Variants in RERG observed in about 807,000 individuals in gnomAD.
RERG encodes the protein ras-related and estrogen-regulated growth inhibitor.
In RERG, 25 loss-of-function variants were observed where a neutral mutation model predicts 23.2. That is an observed-to-expected ratio of 1.08 (90% confidence interval 0.79 to 1.50). RERG has a LOEUF of 1.50. RERG is among the 40% of genes most tolerant of loss of function. The pLI, the probability that RERG is intolerant of heterozygous loss-of-function variation, is 0.00. For synonymous variants in RERG, 81 were observed against 89.1 expected (o/e 0.91, Z 0.51); for missense variants, 253 against 250.1 (o/e 1.01, Z -0.08).
At chr12:15,172,044 T>A (rs1196216395) in intron 2 of RERG, among the ~76,000 whole-genome samples, 1 of 152,128 alleles carries the variant, frequency 6.6e-6, no homozygotes. Context: ...TTTTAGTAAA[T>A]TTGCAGAGTT....
intron 2 of RERG, among the ~76,000 whole-genome samples, chr12:15,139,218 C>T (rs1864195396): frequency 6.6e-6 from 1 of 151,956 alleles, no homozygotes; most frequent in African/African-American, 2.4e-5. Context: ...CCATGCTGTC[C>T]TACAGCCTTA....
At chr12:15,128,493 A>G (rs1472147097) in intron 2 of RERG, among the ~76,000 whole-genome samples, 1 of 152,212 alleles carries the variant, frequency 6.6e-6, no homozygotes, top group East Asian at 1.9e-4. Flanking sequence ...TTCTATTCAT[A>G]AAGTGTTGTA....
chr12:15,195,281 G>A (rs955678435), intron 2 of RERG, among the ~76,000 whole-genome samples: 1 of 151,944 alleles, frequency 6.6e-6, no homozygotes. Context: ...TGTCACAAAT[G>A]GAATGACATA....
chr12:15,160,093 T>A (rs1450824426), intron 2 of RERG, among the ~76,000 whole-genome samples: 1 of 152,214 alleles, frequency 6.6e-6, no homozygotes, highest in African/African-American at 2.4e-5. Context: ...TGTTTCATTA[T>A]AATGGCTAAG....
At chr12:15,194,850 C>T (rs1254825322) in intron 2 of RERG, among the ~76,000 whole-genome samples, 1 of 151,994 alleles carries the variant, frequency 6.6e-6, no homozygotes, top group African/African-American at 2.4e-5. Flanking sequence ...TCTCTAGGTG[C>T]AATTTCCACA....
At chr12:15,136,781 C>G (rs1045923969) in intron 2 of RERG, among the ~76,000 whole-genome samples, 1 of 151,834 alleles carries the variant, frequency 6.6e-6, no homozygotes, top group Non-Finnish European at 1.5e-5. Flanking sequence ...GATTTGTATT[C>G]TGTTAAATTT....
intron 3 of RERG, among the ~76,000 whole-genome samples, chr12:15,119,139 A>G (rs1393776433): frequency 6.6e-6 from 1 of 152,106 alleles, no homozygotes; most frequent in Non-Finnish European, 1.5e-5. Context: ...TGTATCCATT[A>G]CTCCTGAAGT....
At chr12:15,117,136 A>T (rs1863735965) in intron 3 of RERG, among the ~76,000 whole-genome samples, 1 of 108,792 alleles carries the variant, frequency 9.2e-6, no homozygotes, top group Non-Finnish European at 1.9e-5. Flanking sequence ...CTTTTTACTG[A>T]TTTAGCTTTT....
chr12:15,161,718 T>C (rs1391302861), intron 2 of RERG, among the ~76,000 whole-genome samples: 2 of 152,214 alleles, frequency 1.3e-5, no homozygotes, highest in Admixed American at 6.5e-5. Flanking sequence ...TCATGCAGCT[T>C]ACTATCTGGT....
At chr12:15,133,020 T>A (rs1475628400) in intron 2 of RERG, among the ~76,000 whole-genome samples, 1 of 118,536 alleles carries the variant, frequency 8.4e-6, no homozygotes, top group Non-Finnish European at 1.7e-5. Flanking sequence ...CCATTATTCA[T>A]ATCCCACACT....
chr12:15,188,651 C>A (rs1382455985), intron 2 of RERG, among the ~76,000 whole-genome samples: 1 of 152,152 alleles, frequency 6.6e-6, no homozygotes, highest in Non-Finnish European at 1.5e-5. Context: ...GTATCTAGCA[C>A]ATAACAGGTG....
At chr12:15,114,177 G>A (rs945077799) in intron 3 of RERG, among the ~76,000 whole-genome samples, 1 of 151,826 alleles carries the variant, frequency 6.6e-6, no homozygotes, top group Non-Finnish European at 1.5e-5. Flanking sequence ...GATTTGAAGA[G>A]TGAAACCTGA....
At position 15,217,413 on chromosome 12, in the gene RERG, A is replaced by G. The variant is rs1380016572; in HGVS notation, c.61+16T>C. On this transcript the variant is annotated intron_variant, in intron 2 of 4. Coordinates refer to ENST00000256953, the MANE Select transcript of RERG (RefSeq NM_032918.3). ...CCCACACACACACACTATAACAACC[A>G]CAACGAAAATCTTACCTGACTTGCC... 1.9e-6 allele frequency: 3 copies of G among 1,593,174 alleles called. No individual in the cohort carries two copies.
chr12:15,181,425 A>T (rs2136129074), intron 2 of RERG, among the ~76,000 whole-genome samples: 1 of 152,320 alleles, frequency 6.6e-6, no homozygotes, highest in Non-Finnish European at 1.5e-5. Context: ...TGGGCTTTGC[A>T]GACTTAAAAT....
At chr12:15,178,159 T>C (rs988169583) in intron 2 of RERG, among the ~76,000 whole-genome samples, 2 of 152,144 alleles carry the variant, frequency 1.3e-5, no homozygotes, top group African/African-American at 4.8e-5. Flanking sequence ...ATTTTAAATG[T>C]ATATTAACAA....
chr12:15,200,895 AT>A (rs141355344), intron 2 of RERG, among the ~76,000 whole-genome samples: 1 of 151,818 alleles, frequency 6.6e-6, no homozygotes, highest in Admixed American at 6.6e-5. Flanking sequence ...CACGCTTCGC[AT>A]TTTTTACATA....
Position 15,109,185 on chromosome 12 carries a change from G to T in RERG, c.525C>A (p.Gly175=). ...REVRRRRMVQ[G]KTRRRSSTTH... The stretch of plus-strand genomic sequence containing the variant: ...TGGTGGAGCTGCGTCGCCTCGTCTT[G>T]CCCTGCACCATCCTCCGGCGACGCA... The change falls in exon 5 of 5, where the codon GGC becomes GGA. Residue 175 remains glycine, a synonymous_variant. Transcript: ENST00000256953. 2 of 1,613,726 alleles carry T rather than the reference G, an allele frequency of 1.2e-6. No homozygotes were observed. Among genetic ancestry groups the T allele is most frequent in the Middle Eastern group, 1.7e-4 (1 of 6,038 alleles).
intron 2 of RERG, among the ~76,000 whole-genome samples, chr12:15,215,635 A>G (rs1179202537): frequency 6.6e-6 from 1 of 152,178 alleles, no homozygotes; most frequent in East Asian, 1.9e-4. Context: ...TGGGAGAGTT[A>G]AAAAAAGATA....
intron 2 of RERG, among the ~76,000 whole-genome samples, chr12:15,166,217 G>A (rs1356120843): frequency 6.6e-6 from 1 of 152,226 alleles, no homozygotes; most frequent in Non-Finnish European, 1.5e-5. Context: ...GAGTAGCAAG[G>A]AGGCCTAGAG....
Sources: gnomAD v4.1 joint callset for allele counts (sites outside exome capture counted in the v4.1 genomes callset) on GRCh38, gnomAD v4.1.1 for gene constraint, MANE v1.5 for transcripts, NCBI Gene and HGNC (gene_info 2026-07-23, HGNC 2026-07-21) for gene names.